Variants in LTBP1 observed in about 807,000 individuals in gnomAD.
LTBP1 encodes the protein latent-transforming growth factor beta-binding protein 1.
A neutral mutation model predicts 207.6 loss-of-function variants in LTBP1; 129 were observed. That is an observed-to-expected ratio of 0.62 (90% CI 0.54 to 0.72). LTBP1 has a LOEUF of 0.72. LTBP1 is among the 30% of genes least tolerant of loss of function. LTBP1 has a pLI of 0.00. For missense variants in LTBP1, 2,281 were observed against 2,217.2 expected, an observed-to-expected ratio of 1.03 and a Z score of -0.58; for synonymous variants, 963 against 833.7, an observed-to-expected ratio of 1.16 and a Z score of -2.67.
intron 19 of LTBP1, chr2:33,291,918 G>C (rs1381423499): frequency 6.6e-6 from 1 of 152,238 alleles, no homozygotes; most frequent in African/African-American, 2.4e-5. Context: ...AGTGAGCATT[G>C]AAAAGTGAAA....
At chr2:33,012,531 A>G (rs763133180) in intron 2 of LTBP1, among the ~76,000 whole-genome samples, 1 of 152,152 alleles carries the variant, frequency 6.6e-6, no homozygotes, top group Non-Finnish European at 1.5e-5. Flanking sequence ...TCCTCTTTCT[A>G]CACCTTTGTT....
intron 4 of LTBP1, among the ~76,000 whole-genome samples, chr2:33,118,978 CCTT>C (rs921623498): frequency 1.4e-4 from 21 of 152,228 alleles, no homozygotes; most frequent in African/African-American, 4.8e-4. Flanking sequence ...AGAAGAAAAA[CCTT>C]CTAGGGTGAA....
chr2:33,095,462 G>A (rs943463825), intron 3 of LTBP1, among the ~76,000 whole-genome samples: 41 of 152,292 alleles, frequency 2.7e-4, no homozygotes, highest in African/African-American at 9.9e-4. Flanking sequence ...TTTGAATCTA[G>A]CCAAGTAACT....
rs1372962114 is a variant in LTBP1 at position 33,188,810 on chromosome 2, A to G, written c.1660A>G (p.Thr554Ala). The G allele has an allele frequency of 4.3e-6, 7 of 1,614,188 alleles. No individual in the cohort carries two copies. The highest frequency in any genetic ancestry group is 5.9e-6 in the Non-Finnish European group (7 of 1,180,032). ...IPHVYPVAAK[T>A]QLGRCFQETI... is the part of the protein sequence containing the mutation. The stretch of plus-strand genomic sequence containing the variant: ...TCACGTCTACCCCGTGGCTGCTAAG[A>G]CACAGCTTGGCCGGTGCTTCCAGGA... The change falls in exon 7 of 34, where the codon ACA (threonine) becomes GCA (alanine). Residue 554 changes from threonine to alanine, a missense_variant. This residue lies in a region of LTBP1 where 1,671 missense variants were observed against 1,634.8 expected (regional missense o/e 1.02). Transcript: ENST00000404816.
chr2:33,173,700 C>A (rs1009000925), intron 5 of LTBP1, among the ~76,000 whole-genome samples: 3 of 150,084 alleles, frequency 2.0e-5, no homozygotes, highest in Non-Finnish European at 4.5e-5. Context: ...GAGACACAAC[C>A]AAAAAAGAGA....
intron 5 of LTBP1, among the ~76,000 whole-genome samples, chr2:33,135,969 G>T (rs141410689): frequency 2.0e-5 from 3 of 152,236 alleles, no homozygotes; most frequent in African/African-American, 7.2e-5. Context: ...TGTGTGTCTG[G>T]GGGGGTGGTA....
At chr2:33,117,305 G>A (rs1037827787) in intron 4 of LTBP1, among the ~76,000 whole-genome samples, 1 of 152,162 alleles carries the variant, frequency 6.6e-6, no homozygotes, top group African/African-American at 2.4e-5. Flanking sequence ...TGTAGCGTTA[G>A]CCTTCAGGCT....
intron 5 of LTBP1, among the ~76,000 whole-genome samples, chr2:33,149,078 G>A (rs1242641760): frequency 6.6e-6 from 1 of 152,026 alleles, no homozygotes; most frequent in African/African-American, 2.4e-5. Flanking sequence ...AGCTGGGCGT[G>A]GTGGCAGGCG....
rs2094948644 is a variant in LTBP1, at chr2:33,363,416, CA to C, written c.4299del (p.Glu1434LysfsTer9). 2 of 1,613,704 alleles carry C rather than the reference CA, an allele frequency of 1.2e-6. No homozygotes were observed. Among genetic ancestry groups the C allele is most frequent in the Non-Finnish European group, 1.7e-6 (2 of 1,179,760 alleles). The stretch of plus-strand genomic sequence containing the variant: ...TGCAGATGAATGCCTACTTTTTGGA[CA>C]AGAAATCTGCAAAAATGGTTTCTGT... ...KDADECLLFGQEICKNGFCLN... is the reference protein window; with the variant it reads ...KDADECLLFGXEICKNGFCLN... On this transcript the variant is annotated frameshift_variant, in exon 29 of 34. Coordinates refer to ENST00000404816, the MANE Select transcript of LTBP1 (RefSeq NM_206943.4). LOFTEE classifies it high-confidence loss of function.
intron 24 of LTBP1, among the ~76,000 whole-genome samples, chr2:33,331,837 G>A (rs1277334224): frequency 6.6e-6 from 1 of 152,032 alleles, no homozygotes; most frequent in Admixed American, 6.6e-5. Flanking sequence ...GCATTTTAAA[G>A]GGTTTTATGT....
At chr2:32,951,138 A>G (rs1677037938) in intron 2 of LTBP1, among the ~76,000 whole-genome samples, 1 of 152,212 alleles carries the variant, frequency 6.6e-6, no homozygotes, top group Non-Finnish European at 1.5e-5. Context: ...CAATGCTTCC[A>G]GCATTTGGCT....
At chr2:33,092,707 A>G (rs1436275648) in intron 3 of LTBP1, among the ~76,000 whole-genome samples, 4 of 152,186 alleles carry the variant, frequency 2.6e-5, no homozygotes, top group Non-Finnish European at 5.9e-5. Context: ...TGGAAGGAGT[A>G]TTTGAGGAGC....
At chr2:33,241,383 C>T (rs2092317216) in intron 9 of LTBP1, among the ~76,000 whole-genome samples, 1 of 152,210 alleles carries the variant, frequency 6.6e-6, no homozygotes, top group East Asian at 1.9e-4. Context: ...GAATTCCTGT[C>T]CTCCATTCCC....
At chr2:33,282,538 A>G (rs1218585996) in intron 19 of LTBP1, among the ~76,000 whole-genome samples, 1 of 152,170 alleles carries the variant, frequency 6.6e-6, no homozygotes, top group African/African-American at 2.4e-5. Context: ...ACTTACATTG[A>G]ACCAATGGGT....
At chr2:33,350,636 C>G (rs1428526349) in intron 26 of LTBP1, among the ~76,000 whole-genome samples, 1 of 152,158 alleles carries the variant, frequency 6.6e-6, no homozygotes, top group African/African-American at 2.4e-5. Context: ...ACTGCCTGGG[C>G]CTTTGGCCAC....
Position 33,134,635 on chromosome 2 carries a change from T to G in LTBP1, c.1034-158T>G. On this transcript the variant is annotated intron_variant, in intron 4 of 33. Coordinates refer to ENST00000404816, the MANE Select transcript of LTBP1 (RefSeq NM_206943.4). The surrounding 1 kb of genome is among the most constrained non-coding windows in gnomAD (Gnocchi z 4.4). ...ATACAGAGCAGCGAGCACTGAAGGC[T>G]TCCCTCTTTCCTTAAACCTGTCGGG... 6.5e-7 allele frequency: 1 copy of G among 1,539,128 alleles called. No individual in the cohort carries two copies. Among genetic ancestry groups the G allele is most frequent in the African/African-American group, 1.4e-5 (1 of 73,024 alleles).
At chr2:33,025,062 C>T (rs1024834768) in intron 3 of LTBP1, among the ~76,000 whole-genome samples, 4 of 152,126 alleles carry the variant, frequency 2.6e-5, no homozygotes, top group African/African-American at 9.7e-5. Flanking sequence ...CCTGAGTGTC[C>T]TCACAATGTG....
chr2:33,143,028 C>A (rs569707108), intron 5 of LTBP1, among the ~76,000 whole-genome samples: 4 of 152,178 alleles, frequency 2.6e-5, no homozygotes, highest in Non-Finnish European at 4.4e-5. Flanking sequence ...TGGCCCTGCC[C>A]CTTCTTCCAC....
chr2:33,263,327 T>C lies in LTBP1; in HGVS notation c.2552T>C (p.Val851Ala), dbSNP rs2093074080. 1 of 1,613,820 alleles carries C rather than the reference T, an allele frequency of 6.2e-7. No individual in the cohort carries two copies. The highest frequency in any genetic ancestry group is 8.5e-7 in the Non-Finnish European group (1 of 1,179,842). ...VIEKTSPPVP[V>A]EVAPEASTSS... ...GAAAAAACATCACCTCCTGTGCCTG[T>C]TGAAGTAGCTCCTGAAGCTTCTACG... is the stretch of plus-strand genomic sequence containing the variant. Residue 851 changes from valine (V) to alanine (A), a missense_variant, in exon 15 of 34, where the codon GTT becomes GCT. Coordinates refer to ENST00000404816, the MANE Select transcript of LTBP1 (RefSeq NM_206943.4).
Sources: allele counts gnomAD v4.1 joint callset (sites outside exome capture counted in the v4.1 genomes callset), GRCh38; gene constraint gnomAD v4.1.1; regional missense constraint gnomAD v4.1.1; non-coding constraint Gnocchi (gnomAD v3.1); transcripts MANE v1.5; gene names NCBI Gene and HGNC (gene_info 2026-07-23, HGNC 2026-07-21).